Variants in TRERF1 observed in about 807,000 individuals in gnomAD.
TRERF1 encodes transcriptional-regulating factor 1.
In TRERF1, 27 loss-of-function variants were observed where a neutral mutation model predicts 122.9. That is an observed-to-expected ratio of 0.22 (90% CI 0.16 to 0.30). The LOEUF (loss-of-function observed/expected upper bound fraction) is 0.30, where lower values mean the gene tolerates loss of function less well. Among genes scored for constraint, TRERF1 ranks in the 10% least tolerant of loss-of-function variants. The pLI is 1.00. For missense variants in TRERF1, 1,248 were observed against 1,560.3 expected, an observed-to-expected ratio of 0.80 and a Z score of 3.37; for synonymous variants, 636 against 641.7, an observed-to-expected ratio of 0.99 and a Z score of 0.13.
At position 42,264,593 on chromosome 6, in the gene TRERF1, C is replaced by T. The variant is rs140124016; in HGVS notation, c.1635+111G>A. On this transcript the variant is annotated intron_variant, in intron 7 of 17. Coordinates refer to ENST00000372922, the Ensembl canonical transcript of TRERF1. Reference sequence around the variant, plus strand: ...CCTAAGCATTCCTGTCAAGGGAGGACTGTGCCTCGCCAGGTCCCGCATGGG... The same window carrying T: ...CCTAAGCATTCCTGTCAAGGGAGGATTGTGCCTCGCCAGGTCCCGCATGGG... 982 of 1,493,918 alleles carry T rather than the reference C, an allele frequency of 6.6e-4. 4 individuals carry two copies. In the African/African-American group the frequency reaches 0.01, roughly 16 times the overall value. The allele number at this position is 1,493,918 out of a possible 1,614,324, so 92.5% of individuals were successfully genotyped here.
chr6:42,304,788 C>G (rs867596750), intron 3 of TRERF1, among the ~76,000 whole-genome samples: 5 of 152,198 alleles, frequency 3.3e-5, no homozygotes, highest in Admixed American at 1.3e-4. Flanking sequence ...TTGAGAACTA[C>G]CATTCTACCG....
chr6:42,236,367 G>GTCCTCC (rs111816381), exon 16 of TRERF1: 8 of 1,566,024 alleles, frequency 5.1e-6, no homozygotes, highest in African/African-American at 4.1e-5. Flanking sequence ...CTTCTTCCGG[G>GTCCTCC]TCCTCCTCCT....
chr6:42,286,459 A>G (rs1193514815), intron 4 of TRERF1, among the ~76,000 whole-genome samples: 1 of 140,790 alleles, frequency 7.1e-6, no homozygotes. Context: ...AAAACAAACA[A>G]CCCCATCAAA....
chr6:42,359,283 A>C (rs1771237095), intron 3 of TRERF1, among the ~76,000 whole-genome samples: 1 of 152,174 alleles, frequency 6.6e-6, no homozygotes, highest in Non-Finnish European at 1.5e-5. Context: ...GATGCCCAAG[A>C]CTAGTTTCTC....
At chr6:42,449,516 T>C (rs1582312868) in intron 2 of TRERF1, among the ~76,000 whole-genome samples, 1 of 143,442 alleles carries the variant, frequency 7.0e-6, no homozygotes, top group African/African-American at 2.6e-5. Flanking sequence ...AGCAAGACAA[T>C]AAAATAAATC....
chr6:42,421,431 T>C (rs1330358272), intron 2 of TRERF1, among the ~76,000 whole-genome samples: 1 of 152,120 alleles, frequency 6.6e-6, no homozygotes, highest in Non-Finnish European at 1.5e-5. Flanking sequence ...CACTCAGACT[T>C]TTTTTTCCCT....
chr6:42,390,203 C>T (rs1777487079), intron 2 of TRERF1, among the ~76,000 whole-genome samples: 1 of 152,192 alleles, frequency 6.6e-6, no homozygotes, highest in African/African-American at 2.4e-5. Flanking sequence ...ATACAAGAGG[C>T]ACAATTTAAA....
Position 42,232,597 on chromosome 6 carries a change from AAACC to A in TRERF1, c.3278+80_3278+83del, listed in dbSNP as rs1770783273. ...TCTAAGTTCTTTTTTCTGATTGAAG[AAACC>A]TCAGGCCATCCTGGCCCAGCTCCCA... On this transcript the variant is annotated intron_variant, in intron 17 of 17. Coordinates refer to ENST00000372922, the Ensembl canonical transcript of TRERF1. This position sits in a 1 kb window ranked among gnomAD's most constrained non-coding sequence, Gnocchi z 4.5. 4.8e-6 allele frequency: 7 copies of A among 1,449,944 alleles called. No individual in the cohort carries two copies. The highest frequency in any genetic ancestry group is 6.4e-6 in the Non-Finnish European group (7 of 1,094,408). The allele number at this position is 1,449,944 out of a possible 1,614,324, so 89.8% of individuals were successfully genotyped here. A position where few individuals can be genotyped will look rare whatever the true frequency, so the allele number is the denominator to read the frequency against.
At chr6:42,366,386 C>T (rs1772732399) in intron 2 of TRERF1, among the ~76,000 whole-genome samples, 2 of 152,148 alleles carry the variant, frequency 1.3e-5, no homozygotes, top group Non-Finnish European at 2.9e-5. Flanking sequence ...CCAAGATGGC[C>T]AAGTGAAGAG....
At position 42,257,110 on chromosome 6, in the gene TRERF1, T is replaced by G. The variant is rs373549704; in HGVS notation, c.2337-8A>C. On this transcript the variant is annotated splice_region_variant and splice_polypyrimidine_tract_variant and intron_variant, in intron 10 of 17. Coordinates refer to ENST00000372922, the Ensembl canonical transcript of TRERF1. ...AAGCCAATGTTGATGCGTCTTTAAA[T>G]GACAAGAAGAAAAACAACAATGTGG... 9 of 1,613,424 alleles carry G rather than the reference T, an allele frequency of 5.6e-6. No homozygotes were observed. Among genetic ancestry groups the G allele is most frequent in the Non-Finnish European group, 7.6e-6 (9 of 1,179,822 alleles).
chr6:42,258,768 C>G (rs1263225138), intron 9 of TRERF1, among the ~76,000 whole-genome samples: 1 of 151,854 alleles, frequency 6.6e-6, no homozygotes, highest in Non-Finnish European at 1.5e-5. Flanking sequence ...GAGTTTCACT[C>G]TCATCCCCCA....
rs199561349 is a variant in TRERF1, at chr6:42,421,773, A to AAATTAATT, written c.-454+29396_-454+29403dup. ...TGGGCGACAGAGCAATGCTGTCTCAAAATTAATTAATTAATTAATTAATTA... is the reference window on the plus strand; with the variant it reads ...TGGGCGACAGAGCAATGCTGTCTCAAAATTAATTAATTAATTAATTAATTAATTAATTA... On this transcript the variant is annotated intron_variant, in intron 2 of 17. Transcript: ENST00000372922. Among the ~76,000 whole-genome samples the AAATTAATT allele has an allele frequency of 3.9e-5, 6 of 151,974 alleles. 1 individual carries two copies. In the East Asian group the frequency reaches 9.7e-4, roughly 25 times the overall value.
intron 3 of TRERF1, among the ~76,000 whole-genome samples, chr6:42,348,287 T>A (rs774673235): frequency 2.0e-5 from 3 of 152,146 alleles, no homozygotes; most frequent in Non-Finnish European, 4.4e-5. Flanking sequence ...GGAGTCTCAC[T>A]CTGTCATCTA....
intron 12 of TRERF1, among the ~76,000 whole-genome samples, chr6:42,255,499 G>A (rs996113218): frequency 7.9e-5 from 12 of 152,188 alleles, no homozygotes; most frequent in Non-Finnish European, 1.8e-4. Flanking sequence ...CTCTAAGTGT[G>A]GTCCATAGAA....
intron 16 of TRERF1, among the ~76,000 whole-genome samples, chr6:42,235,499 T>C (rs1771932420): frequency 6.6e-6 from 1 of 152,260 alleles, no homozygotes; most frequent in Non-Finnish European, 1.5e-5. Flanking sequence ...TCTTTAGTGC[T>C]AAGAATGACC....
rs376320947 is a variant in TRERF1, at chr6:42,259,592, G to C, written c.2016C>G (p.Asn672Lys). The C allele has an allele frequency of 6.2e-6, 10 of 1,613,936 alleles. No individual in the cohort carries two copies. The Admixed American group carries it at 1.2e-4, about 19-fold the overall frequency. ...TGGCGCCCGAGTAGGAGGCAGCGGG[G>C]TTCGGGTTGTAGGAGGGCGGCGGCG... is the stretch of plus-strand genomic sequence containing the variant. The change falls in exon 9 of 18, where the codon AAC becomes AAG. Residue 672 changes from asparagine (N) to lysine (K), a missense_variant. Asn to Lys is a moderately conservative substitution (Grantham distance 94). Transcript: ENST00000372922. The surrounding 1 kb of genome is among the most constrained non-coding windows in gnomAD (Gnocchi z 4.9).
At chr6:42,271,915 T>C (rs1210674350) in intron 4 of TRERF1, among the ~76,000 whole-genome samples, 1 of 152,128 alleles carries the variant, frequency 6.6e-6, no homozygotes, top group East Asian at 1.9e-4. Flanking sequence ...ATAGGGCAAG[T>C]GAAATGAAAA....
chr6:42,425,869 A>C (rs1783573544), intron 2 of TRERF1, among the ~76,000 whole-genome samples: 1 of 151,906 alleles, frequency 6.6e-6, no homozygotes, highest in Non-Finnish European at 1.5e-5. Flanking sequence ...TCTTCTCTGC[A>C]TGGGGCTGCT....
At chr6:42,310,915 G>A (rs1788121116) in intron 3 of TRERF1, among the ~76,000 whole-genome samples, 1 of 152,226 alleles carries the variant, frequency 6.6e-6, no homozygotes, top group African/African-American at 2.4e-5. Context: ...CCAAGGGCAA[G>A]GCAAGGAAGA....
Sources: allele counts gnomAD v4.1 joint callset (sites outside exome capture counted in the v4.1 genomes callset), GRCh38; gene constraint gnomAD v4.1.1; non-coding constraint Gnocchi (gnomAD v3.1); transcripts MANE v1.5; gene names NCBI Gene and HGNC (gene_info 2026-07-23, HGNC 2026-07-21).